The following SUSD4 variants were observed in gnomAD, a reference collection of about 807,000 sequenced individuals.
SUSD4 encodes the protein sushi domain-containing protein 4.
A neutral mutation model predicts 50.5 loss-of-function variants in SUSD4; 41 were observed. That is an observed-to-expected ratio of 0.81 (90% CI 0.63 to 1.05). The LOEUF is 1.05. SUSD4 is among the 50% of genes least tolerant of loss of function. The pLI is 0.00. For synonymous variants in SUSD4, 257 were observed against 257.3 expected, an observed-to-expected ratio of 1.00 and a Z score of 0.01; for missense variants, 580 against 634.7, an observed-to-expected ratio of 0.91 and a Z score of 0.93.
At chr1:223,353,967 G>A (rs923945069) in intron 2 of SUSD4, among the ~76,000 whole-genome samples, 2 of 151,944 alleles carry the variant, frequency 1.3e-5, no homozygotes, top group African/African-American at 4.8e-5. Flanking sequence ...GGAGGCAGAA[G>A]CTGCAGCGAG....
chr1:223,320,076 G>A (rs1001909923), intron 2 of SUSD4, among the ~76,000 whole-genome samples: 2 of 152,180 alleles, frequency 1.3e-5, no homozygotes, highest in African/African-American at 4.8e-5. Context: ...CCTGATGCAG[G>A]GACGCCTCCT....
At chr1:223,240,777 C>G (rs1262362245) in intron 5 of SUSD4, among the ~76,000 whole-genome samples, 1 of 152,160 alleles carries the variant, frequency 6.6e-6, no homozygotes, top group African/African-American at 2.4e-5. Flanking sequence ...CCCAACATTC[C>G]TGTCATGTCT....
At chr1:223,234,374 T>A (rs534193602) in intron 5 of SUSD4, among the ~76,000 whole-genome samples, 1 of 152,346 alleles carries the variant, frequency 6.6e-6, no homozygotes, top group African/African-American at 2.4e-5. Context: ...CTTCCCTGAG[T>A]GCACAGGCAG....
chr1:223,292,509 T>A lies in SUSD4; in HGVS notation c.291A>T (p.Arg97Ser). The change falls in exon 3 of 9, where the codon AGA becomes AGT. Residue 97 changes from arginine (R) to serine (S), a missense_variant. By Grantham distance (110) the Arg-to-Ser change is moderately radical. Coordinates refer to ENST00000366878, the MANE Select transcript of SUSD4 (RefSeq NM_017982.4). Reference sequence around the variant, plus strand: ...TTCCATTAAAATGCTTCAAACACAGTCTCTTTGTAGCGCCCTTCAGCTTGA... The same window carrying A: ...TTCCATTAAAATGCTTCAAACACAGACTCTTTGTAGCGCCCTTCAGCTTGA... ...DGFKLKGATKRLCLKHFNGTL... is the reference protein window; with the variant it reads ...DGFKLKGATKSLCLKHFNGTL... 6.2e-7 allele frequency: 1 copy of A among 1,614,124 alleles called. No homozygotes were observed. The highest frequency in any genetic ancestry group is 8.5e-7 in the Non-Finnish European group (1 of 1,180,010).
chr1:223,307,737 G>A (rs920686548), intron 2 of SUSD4, among the ~76,000 whole-genome samples: 24 of 152,150 alleles, frequency 1.6e-4, no homozygotes, highest in African/African-American at 5.6e-4. Context: ...CACTACCCGG[G>A]TTATCCACGG....
chr1:223,333,101 A>G (rs955383872), intron 2 of SUSD4, among the ~76,000 whole-genome samples: 3 of 152,152 alleles, frequency 2.0e-5, no homozygotes, highest in African/African-American at 7.2e-5. Context: ...TCTTCCTAAA[A>G]GAAACCCGCC....
intron 3 of SUSD4, among the ~76,000 whole-genome samples, chr1:223,269,493 G>A (rs1409120362): frequency 2.6e-5 from 4 of 152,056 alleles, no homozygotes; most frequent in Admixed American, 2.6e-4. Context: ...TGCAGGCCAC[G>A]CCACCCCTTG....
intron 5 of SUSD4, among the ~76,000 whole-genome samples, chr1:223,247,124 A>T (rs1660990024): frequency 6.6e-6 from 1 of 152,128 alleles, no homozygotes; most frequent in Admixed American, 6.5e-5. Context: ...TGTAGGAAAG[A>T]CTTGCTCCTT....
intron 2 of SUSD4, among the ~76,000 whole-genome samples, chr1:223,301,476 A>G (rs1665190662): frequency 6.6e-6 from 1 of 152,230 alleles, no homozygotes; most frequent in Non-Finnish European, 1.5e-5. Flanking sequence ...TAGAGACTGG[A>G]GTACACATTG....
At chr1:223,301,432 G>A (rs1270774939) in intron 2 of SUSD4, among the ~76,000 whole-genome samples, 1 of 152,182 alleles carries the variant, frequency 6.6e-6, no homozygotes, top group East Asian at 1.9e-4. Context: ...CACAACCTAA[G>A]CCAGATATTG....
chr1:223,350,343 G>A (rs955029693), intron 2 of SUSD4, among the ~76,000 whole-genome samples: 5 of 152,186 alleles, frequency 3.3e-5, no homozygotes, highest in Non-Finnish European at 7.3e-5. Flanking sequence ...TTGAACAAAT[G>A]TAAGAGTGGA....
intron 5 of SUSD4, among the ~76,000 whole-genome samples, chr1:223,258,118 T>C (rs1661830011): frequency 6.6e-6 from 1 of 152,174 alleles, no homozygotes; most frequent in South Asian, 2.1e-4. Flanking sequence ...AGGATTCACT[T>C]TGAAGTTCTG....
At chr1:223,355,666 T>A (rs1668623171) in intron 2 of SUSD4, among the ~76,000 whole-genome samples, 1 of 152,194 alleles carries the variant, frequency 6.6e-6, no homozygotes, top group African/African-American at 2.4e-5. Context: ...AATGCATGAG[T>A]GACCCTCCTT....
At chr1:223,265,044 G>GC (rs1662394164) in intron 4 of SUSD4, among the ~76,000 whole-genome samples, 1 of 152,254 alleles carries the variant, frequency 6.6e-6, no homozygotes, top group Non-Finnish European at 1.5e-5. Context: ...GAGGGTCAGA[G>GC]GAGTAGTTAA....
intron 5 of SUSD4, among the ~76,000 whole-genome samples, chr1:223,252,236 A>AAATATATATATATAT (rs1343732568): frequency 1.1e-4 from 10 of 89,726 alleles, no homozygotes; most frequent in Admixed American, 6.5e-4. Context: ...AAAAAAAAAA[A>AAATATATATATATAT]ATATATATAT....
At chr1:223,251,416 C>T (rs992071537) in intron 5 of SUSD4, among the ~76,000 whole-genome samples, 3 of 152,160 alleles carry the variant, frequency 2.0e-5, no homozygotes, top group Non-Finnish European at 4.4e-5. Flanking sequence ...AAGGGGATGG[C>T]ACTAAGCCCT....
chr1:223,362,290 C>T (rs1275750467), intron 2 of SUSD4, among the ~76,000 whole-genome samples: 1 of 152,150 alleles, frequency 6.6e-6, no homozygotes, highest in African/African-American at 2.4e-5. Context: ...TCTGAAACAG[C>T]AATATTTTAA....
At chr1:223,304,825 T>C (rs868469929) in intron 2 of SUSD4, among the ~76,000 whole-genome samples, 3 of 45,910 alleles carry the variant, frequency 6.5e-5, no homozygotes, top group Non-Finnish European at 1.1e-4. Flanking sequence ...TATATATATA[T>C]ATATATATAT....
At chr1:223,304,219 A>C (rs1362884083) in intron 2 of SUSD4, among the ~76,000 whole-genome samples, 1 of 152,136 alleles carries the variant, frequency 6.6e-6, no homozygotes, top group East Asian at 1.9e-4. Context: ...AATCTTGGTG[A>C]TGTTAAACCT....
Sources: allele counts gnomAD v4.1 joint callset (sites outside exome capture counted in the v4.1 genomes callset), GRCh38; gene constraint gnomAD v4.1.1; transcripts MANE v1.5; gene names NCBI Gene and HGNC (gene_info 2026-07-23, HGNC 2026-07-21).